SCRIB: variants seen among roughly 807,000 people sequenced by gnomAD.
SCRIB encodes scribble planar cell polarity protein.
Under a neutral mutation model 170.0 loss-of-function variants are expected in SCRIB, and 72 were observed. That is an observed-to-expected ratio of 0.42 (90% CI 0.35 to 0.52). SCRIB has a LOEUF of 0.52. Among genes scored for constraint, SCRIB ranks in the 20% least tolerant of loss-of-function variants. The pLI is 0.02. For synonymous variants in SCRIB, 1,298 were observed against 1,044.3 expected (o/e 1.24, Z -4.68); for missense variants, 2,475 against 2,338.5 (o/e 1.06, Z -1.20).
At chr8:143,812,684 G>T in intron 8 of SCRIB, 133 bp downstream of exon 8, 1 of 1,260,014 alleles carries the variant, frequency 7.9e-7, no homozygotes, top group Non-Finnish European at 1.1e-6. Flanking sequence ...CCCCTCCCCA[G>T]GGACAGCTCC....
At chr8:143,812,645 G>A (rs1815795302) in intron 8 of SCRIB, among the ~76,000 whole-genome samples, 172 bp downstream of exon 8, 2 of 152,120 alleles carry the variant, frequency 1.3e-5, no homozygotes, top group Non-Finnish European at 1.5e-5. Flanking sequence ...TGCCTCCTCA[G>A]CCTTCTGGGC....
intron 35 of SCRIB, 29 bp from the exon 36 acceptor site, chr8:143,791,469 G>T: frequency 1.2e-6 from 2 of 1,606,220 alleles, no homozygotes; most frequent in East Asian, 2.3e-5. Flanking sequence ...TGGTCAGGCC[G>T]GTGCCAGCCC....
At chr8:143,802,454 C>T (rs1261877588) in intron 24 of SCRIB, among the ~76,000 whole-genome samples, 1 of 152,222 alleles carries the variant, frequency 6.6e-6, no homozygotes, top group African/African-American at 2.4e-5. Flanking sequence ...GGAGTGGTGA[C>T]AGCCACCTGC....
Position 143,793,014 on chromosome 8 carries a change from C to T in SCRIB, c.3979G>A (p.Val1327Met), listed in dbSNP as rs201563528. ...VKQAYRAFAA[V>M]PTSHPPEDAP... ...TCCTCAGGCGGGTGAGAAGTGGGCA[C>T]GGCCGCGAAGGCCCTGTAGGCCTGC... The change falls in exon 29 of 37, where the codon GTG (valine) becomes ATG (methionine). Residue 1327 changes from valine to methionine, a missense_variant. This residue lies in a region of SCRIB where 1,966 missense variants were observed against 1,742.9 expected (regional missense o/e 1.13). Transcript: ENST00000356994. 6.1e-4 allele frequency: 916 copies of T among 1,512,038 alleles called. 1 individual carries two copies. The highest frequency in any genetic ancestry group is 7.2e-4 in the Non-Finnish European group (810 of 1,127,960). 93.7% of individuals were successfully genotyped at this position (1,512,038 alleles called of 1,614,324 possible). A position where few individuals can be genotyped will look rare whatever the true frequency, so the allele number is the denominator to read the frequency against.
rs924252804 is a variant in SCRIB at position 143,804,941 on chromosome 8, A to T, written c.2744T>A (p.Val915Asp). Residue 915 changes from valine to aspartate, a missense_variant, in exon 20 of 37, where the codon GTC becomes GAC. This residue lies in a region of SCRIB where 1,966 missense variants were observed against 1,742.9 expected (regional missense o/e 1.13). Coordinates refer to ENST00000356994, the MANE Select transcript of SCRIB (RefSeq NM_182706.5). The part of the protein sequence containing the change: ...RAGTLQVGDR[V>D]LSINGVDVTE... ...GGCCCCATCCCCACTCACAGAGAGG[A>T]CGCGGTCGCCAACCTGCAGTGTGCC... The T allele has an allele frequency of 6.4e-7, 1 of 1,560,012 alleles. No individual in the cohort carries two copies. The highest frequency in any genetic ancestry group is 8.6e-7 in the Non-Finnish European group (1 of 1,159,332).
chr8:143,809,070 G>A (rs1222923618), intron 14 of SCRIB, 45 bp from the exon 15 acceptor site: 4 of 1,564,884 alleles, frequency 2.6e-6, no homozygotes, highest in African/African-American at 2.7e-5. Context: ...CTGTGGCTGT[G>A]CTTCCACAGG....
In SCRIB at chr8:143,806,337, C is replaced by T. The variant is rs981063519; in HGVS notation, c.2346+70G>A. The T allele has an allele frequency of 5.5e-6, 7 of 1,269,322 alleles. No homozygotes were observed. In the African/African-American group the frequency reaches 7.4e-5, roughly 13 times the overall value. The allele number at this position is 1,269,322 out of a possible 1,614,324, so 78.6% of individuals were successfully genotyped here. A position where few individuals can be genotyped will look rare whatever the true frequency, so the allele number is the denominator to read the frequency against. ...AGGCCGGGAGAAGGCAGCCAAGCACCCTAATACCAGGGACCATGTACCTCC... is the reference window on the plus strand; with the variant it reads ...AGGCCGGGAGAAGGCAGCCAAGCACTCTAATACCAGGGACCATGTACCTCC... On this transcript the variant is annotated intron_variant, in intron 18 of 36. Transcript: ENST00000356994.
chr8:143,810,632 G>T, intron 12 of SCRIB, 28 bp from the exon 13 acceptor site: 1 of 1,608,182 alleles, frequency 6.2e-7, no homozygotes, highest in South Asian at 1.1e-5. Flanking sequence ...ATGAGCAGCA[G>T]CCACAGGGCA....
Position 143,794,821 on chromosome 8 carries a change from G to A in SCRIB, c.3846+217C>T, listed in dbSNP as rs1225009557. Among the ~76,000 whole-genome samples, 3 of 152,134 alleles carry A rather than the reference G, an allele frequency of 2.0e-5. No individual in the cohort carries two copies. The East Asian group carries it at 5.8e-4, about 29-fold the overall frequency. On this transcript the variant is annotated intron_variant, in intron 27 of 36. Transcript: ENST00000356994. ...GCCTGTGTCACCCATCCGCAGCTCA[G>A]GGTGTGTGGGTGGGGCAGCACCAAC...
intron 1 of SCRIB, chr8:143,814,846 A>G (rs1175406335): frequency 8.2e-6 from 2 of 245,256 alleles, no homozygotes; most frequent in Non-Finnish European, 1.6e-5. Context: ...GCACCCAGCA[A>G]AAAAGGAGAG....
At chr8:143,791,821 G>GC (rs1820099766) in intron 34 of SCRIB, 55 bp downstream of exon 34, 24 of 1,448,606 alleles carry the variant, frequency 1.7e-5, no homozygotes, top group South Asian at 5.1e-5. Context: ...GGGCAGGCCA[G>GC]ACCCCACCCC....
At position 143,813,707 on chromosome 8, in the gene SCRIB, G is replaced by C; in HGVS notation, c.376C>G (p.Gln126Glu). The C allele has an allele frequency of 6.2e-7, 1 of 1,613,618 alleles. No homozygotes were observed. Among genetic ancestry groups the C allele is most frequent in the Non-Finnish European group, 8.5e-7 (1 of 1,180,022 alleles). Residue 126 changes from glutamine to glutamate, a missense_variant, in exon 4 of 37, where the codon CAG becomes GAG. Physicochemically the swap from Gln to Glu is conservative, Grantham distance 29. Coordinates refer to ENST00000356994, the MANE Select transcript of SCRIB (RefSeq NM_182706.5). ...GCCAGGTGAGCCAGGCTGCGCAGCT[G>C]AGTGAAGCCATCAGGGAGCCTGGAT... ...PLSRLPDGFT[Q>E]LRSLAHLALN...
chr8:143,806,326 C>T, intron 18 of SCRIB, 81 bp downstream of exon 18: 4 of 1,139,870 alleles, frequency 3.5e-6, no homozygotes, highest in Non-Finnish European at 5.2e-6. Context: ...CGGGAGAAGG[C>T]AGCCAAGCAC....
At chr8:143,807,169 C>T (rs782554924) in intron 16 of SCRIB, among the ~76,000 whole-genome samples, 156 bp from the exon 17 acceptor site, 3 of 152,250 alleles carry the variant, frequency 2.0e-5, no homozygotes, top group Admixed American at 6.5e-5. Context: ...CCAGCCCAGA[C>T]GCCAGCTGGA....
At chr8:143,810,423 G>C in intron 13 of SCRIB, 56 bp downstream of exon 13, 1 of 1,587,514 alleles carries the variant, frequency 6.3e-7, no homozygotes, top group Admixed American at 1.7e-5. Flanking sequence ...GGATGGACCG[G>C]ACCACCACAG....
intron 24 of SCRIB, among the ~76,000 whole-genome samples, chr8:143,801,782 C>T (rs1315215605): frequency 1.3e-5 from 2 of 152,168 alleles, no homozygotes; most frequent in African/African-American, 2.4e-5. Context: ...GCTTGCCCGA[C>T]GCGGCAGAAA....
At chr8:143,802,370 A>C (rs569492847) in intron 24 of SCRIB, among the ~76,000 whole-genome samples, 2 of 152,372 alleles carry the variant, frequency 1.3e-5, no homozygotes, top group Admixed American at 1.3e-4. Context: ...GATCCCTTGC[A>C]GGACAGAACC....
rs142247868 is a variant in SCRIB at position 143,803,431 on chromosome 8, G to A, written c.3555C>T (p.Thr1185=). ...CCTCAAAGCCGTCACAGACCAGCAC[G>A]GTGAGGGTGTCGCCCACACTGCGGA... ...QLLRSVGDTL[T]VLVCDGFEAS... Residue 1185 remains threonine (T), a synonymous_variant, in exon 24 of 37, where the codon ACC becomes ACT. Transcript: ENST00000356994. 7.6e-4 allele frequency: 1,205 copies of A among 1,596,018 alleles called. 5 individuals are homozygous for A. In the African/African-American group the frequency reaches 0.01, roughly 14 times the overall value.
intron 16 of SCRIB, 99 bp from the exon 17 acceptor site, chr8:143,807,112 TTTCTC>T (rs1487917838): frequency 1.1e-6 from 1 of 878,780 alleles, no homozygotes; most frequent in African/African-American, 1.7e-5. Context: ...ATTTCTGGCT[TTTCTC>T]TAGGCAGCTG....
Sources: gnomAD v4.1 joint callset for allele counts (sites outside exome capture counted in the v4.1 genomes callset) on GRCh38, gnomAD v4.1.1 for gene constraint, gnomAD v4.1.1 regional missense constraint, MANE v1.5 for transcripts, NCBI Gene and HGNC (gene_info 2026-07-23, HGNC 2026-07-21) for gene names.